MYO9B: variants seen among roughly 807,000 people sequenced by gnomAD.
The protein encoded by MYO9B is myosin IXB, also known as unconventional myosin-IXb.
Under a neutral mutation model 229.5 loss-of-function variants are expected in MYO9B, and 71 were observed. The observed-to-expected ratio is 0.31, with a 90% CI of 0.26 to 0.38. MYO9B has a LOEUF of 0.38. Ranked by LOEUF, MYO9B falls within the 10% of genes least tolerant of loss-of-function variation. The pLI, the probability that MYO9B is intolerant of heterozygous loss-of-function variation, is 1.00. For synonymous variants in MYO9B, 1,185 were observed against 1,235.8 expected (o/e 0.96, Z 0.86); for missense variants, 2,255 against 2,920.5 (o/e 0.77, Z 5.25).
chr19:17,133,131 C>T (rs1228195103), intron 2 of MYO9B, among the ~76,000 whole-genome samples: 1 of 152,116 alleles, frequency 6.6e-6, no homozygotes, highest in Non-Finnish European at 1.5e-5. Flanking sequence ...CAGGCGTGAG[C>T]CACTGCGCCC....
chr19:17,209,943 T>C (rs948244168), intron 36 of MYO9B, among the ~76,000 whole-genome samples: 8 of 152,144 alleles, frequency 5.3e-5, no homozygotes, highest in African/African-American at 1.9e-4. Context: ...TACCACACCC[T>C]TGGCCACAAC....
chr19:17,119,160 C>T (rs2057936639), intron 2 of MYO9B, among the ~76,000 whole-genome samples: 1 of 152,212 alleles, frequency 6.6e-6, no homozygotes, highest in Non-Finnish European at 1.5e-5. Context: ...CTCTCACGCC[C>T]CAGGGCCTTT....
chr19:17,101,531 G>T lies in MYO9B; in HGVS notation c.-58-129G>T. 1 of 922,976 alleles carries T rather than the reference G, an allele frequency of 1.1e-6. No homozygotes were observed. The highest frequency in any genetic ancestry group is 1.6e-6 in the Non-Finnish European group (1 of 637,718). 57.2% of individuals were successfully genotyped at this position (922,976 alleles called of 1,614,324 possible). A position where few individuals can be genotyped will look rare whatever the true frequency, so the allele number is the denominator to read the frequency against. ...CGTGACTGGTTGCCTCTGGCTTTTT[G>T]GGCGAGCCTAGTCGGGTGGGGAACT... On this transcript the variant is annotated intron_variant, in intron 1 of 39. Coordinates refer to ENST00000682292, the MANE Select transcript of MYO9B (RefSeq NM_004145.4). The surrounding 1 kb of genome is among the most constrained non-coding windows in gnomAD (Gnocchi z 4.7).
chr19:17,162,806 G>A (rs2072618232), intron 9 of MYO9B, among the ~76,000 whole-genome samples, 182 bp from the exon 10 acceptor site: 1 of 152,130 alleles, frequency 6.6e-6, no homozygotes, highest in African/African-American at 2.4e-5. Context: ...CTGGGCAACA[G>A]AGCAAGACCC....
At chr19:17,149,559 G>A (rs1249412344) in intron 3 of MYO9B, among the ~76,000 whole-genome samples, 1 of 152,172 alleles carries the variant, frequency 6.6e-6, no homozygotes, top group Non-Finnish European at 1.5e-5. Context: ...CTCGCCCCAG[G>A]GAGGGAGGTG....
At chr19:17,119,389 C>T (rs10775622) in intron 2 of MYO9B, among the ~76,000 whole-genome samples, 52,780 of 152,040 alleles carry the variant, frequency 0.35, 9,878 homozygotes, top group South Asian at 0.49. Context: ...TTCTTACAGC[C>T]GGCTTCTGGT....
At chr19:17,094,897 T>C (rs2057673432) in intron 1 of MYO9B, among the ~76,000 whole-genome samples, 1 of 152,004 alleles carries the variant, frequency 6.6e-6, no homozygotes, top group Non-Finnish European at 1.5e-5. Context: ...GAGCCACAAT[T>C]GCACCACTGG....
At chr19:17,128,900 C>A (rs1297820255) in intron 2 of MYO9B, among the ~76,000 whole-genome samples, 1 of 152,208 alleles carries the variant, frequency 6.6e-6, no homozygotes, top group Non-Finnish European at 1.5e-5. Context: ...TCTTTCAGCC[C>A]CTTTCTTTAG....
chr19:17,102,242 C>G lies in MYO9B; in HGVS notation c.525C>G (p.Ile175Met), dbSNP rs750939323. Reference protein sequence around the residue: ...NLKHRFLQQKIYTYAGSILVA... With the variant: ...NLKHRFLQQKMYTYAGSILVA... ...AGCACCGCTTCCTGCAACAAAAGAT[C>G]TACACGTACGCGGGGAGCATCCTGG... Residue 175 changes from isoleucine to methionine, a missense_variant, in exon 2 of 40, where the codon ATC becomes ATG. Coordinates refer to ENST00000682292, the MANE Select transcript of MYO9B (RefSeq NM_004145.4). The G allele has an allele frequency of 6.2e-7, 1 of 1,614,044 alleles. No homozygotes were observed. The highest frequency in any genetic ancestry group is 1.1e-5 in the South Asian group (1 of 91,084).
intron 2 of MYO9B, among the ~76,000 whole-genome samples, chr19:17,140,775 A>G (rs1170395548): frequency 2.1e-5 from 3 of 145,302 alleles, no homozygotes; most frequent in African/African-American, 7.5e-5. Flanking sequence ...GGCGTGAGCC[A>G]CCGTGCCCGG....
intron 1 of MYO9B, among the ~76,000 whole-genome samples, chr19:17,096,362 A>C (rs1027755616): frequency 6.6e-6 from 1 of 152,098 alleles, no homozygotes; most frequent in African/African-American, 2.4e-5. Context: ...GAAACTGCTG[A>C]AGTGTTTTCT....
chr19:17,157,176 C>A, intron 7 of MYO9B, 138 bp downstream of exon 7: 2 of 1,083,648 alleles, frequency 1.8e-6, no homozygotes, highest in Non-Finnish European at 2.6e-6. Flanking sequence ...CCGCTATCAT[C>A]TCTACAGTGT....
intron 38 of MYO9B, among the ~76,000 whole-genome samples, chr19:17,211,078 G>A (rs1229786626): frequency 2.7e-5 from 4 of 148,496 alleles, no homozygotes; most frequent in African/African-American, 1.0e-4. Context: ...CCATCTCCCG[G>A]GTTCAAGCGA....
rs1307150240 is a variant in MYO9B, at chr19:17,162,458, G to T, written c.1528G>T (p.Ala510Ser). The T allele has an allele frequency of 1.3e-6, 2 of 1,564,036 alleles. No individual in the cohort carries two copies. Among genetic ancestry groups the T allele is most frequent in the Admixed American group, 1.9e-5 (1 of 52,676 alleles). Residue 510 changes from alanine to serine, a missense_variant, in exon 9 of 40, where the codon GCA (alanine) becomes TCA (serine). Ala to Ser is a moderately conservative substitution (Grantham distance 99). Transcript: ENST00000682292. ...CCTCAACAAGAAGGACGTGGAAGAG[G>T]CAGTCTCGGTGAGTGCCCCCATTTG... The part of the protein sequence containing the change: ...ALLNKKDVEE[A>S]VSCLSIGVLD...
At position 17,212,172 on chromosome 19, in the gene MYO9B, C is replaced by T. The variant is rs758580130; in HGVS notation, c.6336C>T (p.Ile2112=). The change falls in exon 40 of 40, where the codon ATC becomes ATT. Residue 2112 remains isoleucine, a synonymous_variant. Coordinates refer to ENST00000682292, the MANE Select transcript of MYO9B (RefSeq NM_004145.4). The surrounding 1 kb of genome is among the most constrained non-coding windows in gnomAD (Gnocchi z 5.4). ...RRPDQIHSVY[I]TPGADLPVQG... ...CGGACCAGATACATTCCGTGTACAT[C>T]ACGCCCGGGGCAGACCTGCCAGTGC... 37 of 1,581,450 alleles carry T rather than the reference C, an allele frequency of 2.3e-5. No individual in the cohort carries two copies. The highest frequency in any genetic ancestry group is 3.0e-5 in the Non-Finnish European group (35 of 1,165,252).
intron 1 of MYO9B, among the ~76,000 whole-genome samples, chr19:17,093,064 G>A (rs2057654085): frequency 6.6e-6 from 1 of 152,184 alleles, no homozygotes; most frequent in South Asian, 2.1e-4. Flanking sequence ...AGGCACTGTG[G>A]CTCACACCTG....
At chr19:17,089,408 C>G (rs939301756) in intron 1 of MYO9B, among the ~76,000 whole-genome samples, 1 of 152,190 alleles carries the variant, frequency 6.6e-6, no homozygotes, top group Non-Finnish European at 1.5e-5. Flanking sequence ...TGATTTCATC[C>G]TATAAACATG....
chr19:17,162,651 G>A (rs2072616305), intron 9 of MYO9B, among the ~76,000 whole-genome samples, 185 bp downstream of exon 9: 1 of 152,080 alleles, frequency 6.6e-6, no homozygotes, highest in African/African-American at 2.4e-5. Context: ...AGGGCAGAAT[G>A]AAAACATAAG....
intron 2 of MYO9B, among the ~76,000 whole-genome samples, chr19:17,120,025 G>T (rs571178752): frequency 2.6e-5 from 4 of 152,196 alleles, no homozygotes; most frequent in African/African-American, 9.7e-5. Flanking sequence ...TTAGCCAGGC[G>T]TGCTGGCGCA....
Sources: gnomAD v4.1 joint callset for allele counts (sites outside exome capture counted in the v4.1 genomes callset) on GRCh38, gnomAD v4.1.1 for gene constraint, Gnocchi (gnomAD v3.1) non-coding constraint, MANE v1.5 for transcripts, NCBI Gene and HGNC (gene_info 2026-07-23, HGNC 2026-07-21) for gene names.